ADAMTS17: variants seen among roughly 807,000 people sequenced by gnomAD.
ADAMTS17 encodes the protein ADAM metallopeptidase with thrombospondin type 1 motif 17.
ADAMTS17 carries 113 observed loss-of-function variants against 141.5 expected under a neutral mutation model. The ratio of observed to expected loss-of-function variants is 0.80; its 90% CI spans 0.69 to 0.93. The LOEUF (loss-of-function observed/expected upper bound fraction) is 0.93. Ranked by LOEUF, ADAMTS17 falls within the 40% of genes least tolerant of loss-of-function variation. The probability of loss-of-function intolerance (pLI) is 0.00; values close to 1 mark genes in which losing one functional copy is unlikely to be tolerated. For missense variants in ADAMTS17, 1,659 were observed against 1,517.9 expected, an observed-to-expected ratio of 1.09 and a Z score of -1.54; for synonymous variants, 768 against 630.6, an observed-to-expected ratio of 1.22 and a Z score of -3.27.
intron 13 of ADAMTS17, among the ~76,000 whole-genome samples, chr15:100,111,435 A>G (rs1318256311): frequency 6.6e-6 from 1 of 152,202 alleles, no homozygotes; most frequent in Middle Eastern, 3.2e-3. Context: ...GAAGATGGAG[A>G]CATATACTGA....
At chr15:99,991,902 C>T (rs937223475) in intron 20 of ADAMTS17, among the ~76,000 whole-genome samples, 1 of 152,086 alleles carries the variant, frequency 6.6e-6, no homozygotes, top group Non-Finnish European at 1.5e-5. Flanking sequence ...AACCATCATT[C>T]TCAGCAAACT....
chr15:100,262,310 C>A (rs761741077), intron 5 of ADAMTS17, 42 bp downstream of exon 5: 7 of 1,577,426 alleles, frequency 4.4e-6, no homozygotes, highest in Non-Finnish European at 6.1e-6. Flanking sequence ...TCCAGCCCAG[C>A]CACATTTTCT....
intron 2 of ADAMTS17, among the ~76,000 whole-genome samples, chr15:100,338,224 A>G (rs1388042342): frequency 6.6e-6 from 1 of 152,190 alleles, no homozygotes; most frequent in East Asian, 1.9e-4. Flanking sequence ...AAAGGAGCAA[A>G]AATGGAACAG....
intron 7 of ADAMTS17, among the ~76,000 whole-genome samples, chr15:100,248,246 C>G (rs2043046650): frequency 6.6e-6 from 1 of 152,116 alleles, no homozygotes; most frequent in Non-Finnish European, 1.5e-5. Flanking sequence ...AAGCAAAGGG[C>G]AAAAAGAAGA....
intron 18 of ADAMTS17, among the ~76,000 whole-genome samples, chr15:100,030,456 C>T (rs112588034): frequency 4.9e-4 from 75 of 152,286 alleles, no homozygotes; most frequent in African/African-American, 1.5e-3. Flanking sequence ...AACCTCCTCA[C>T]GCTCCCCCTA....
At chr15:100,242,135 A>G (rs1671476227) in intron 7 of ADAMTS17, among the ~76,000 whole-genome samples, 1 of 152,076 alleles carries the variant, frequency 6.6e-6, no homozygotes, top group East Asian at 1.9e-4. Context: ...ACAAACAAAC[A>G]TTCTCCCTCA....
At chr15:100,031,663 A>G (rs1486019239) in intron 18 of ADAMTS17, among the ~76,000 whole-genome samples, 6 of 152,212 alleles carry the variant, frequency 3.9e-5, no homozygotes, top group Non-Finnish European at 7.3e-5. Context: ...TTTTCGACAT[A>G]ATGCCGCTAA....
At chr15:100,218,490 A>G (rs2042035596) in intron 7 of ADAMTS17, among the ~76,000 whole-genome samples, 1 of 152,240 alleles carries the variant, frequency 6.6e-6, no homozygotes, top group Non-Finnish European at 1.5e-5. Flanking sequence ...TATGTTCAAC[A>G]TCAGCCATTA....
At chr15:100,204,764 G>T (rs569177177) in intron 7 of ADAMTS17, among the ~76,000 whole-genome samples, 1 of 152,216 alleles carries the variant, frequency 6.6e-6, no homozygotes, top group Non-Finnish European at 1.5e-5. Context: ...ACAAGTAGGG[G>T]TGGGAAAATC....
intron 4 of ADAMTS17, among the ~76,000 whole-genome samples, chr15:100,278,184 C>A (rs2044162186): frequency 6.6e-6 from 1 of 152,004 alleles, no homozygotes; most frequent in South Asian, 2.1e-4. Flanking sequence ...CAGGAAGTTT[C>A]CATTTTGTGG....
chr15:100,279,108 C>T (rs147431156), intron 4 of ADAMTS17, among the ~76,000 whole-genome samples: 85 of 152,304 alleles, frequency 5.6e-4, no homozygotes, highest in African/African-American at 2.0e-3. Flanking sequence ...CCTTGCCCAG[C>T]CACAGCCCCG....
At position 100,116,999 on chromosome 15, in the gene ADAMTS17, C is replaced by T. The variant is rs1216624576; in HGVS notation, c.1736G>A (p.Gly579Asp). ...KCDNPPPGPG[G>D]THCPGASVEH... ...TACACTGGCACCCGGGCAGTGTGTGCCTCCAGGCCCAGGGCTAGAAGGAAG... is the reference window on the plus strand; with the variant it reads ...TACACTGGCACCCGGGCAGTGTGTGTCTCCAGGCCCAGGGCTAGAAGGAAG... The change falls in exon 13 of 22, where the codon GGC becomes GAC. Residue 579 changes from glycine to aspartate, a missense_variant. Coordinates refer to ENST00000268070, the MANE Select transcript of ADAMTS17 (RefSeq NM_139057.4). 2.2e-5 allele frequency: 35 copies of T among 1,612,140 alleles called. No individual in the cohort carries two copies. Among genetic ancestry groups the T allele is most frequent in the Non-Finnish European group, 3.0e-5 (35 of 1,179,326 alleles).
At chr15:99,983,695 G>C (rs948097453) in intron 20 of ADAMTS17, among the ~76,000 whole-genome samples, 1 of 152,158 alleles carries the variant, frequency 6.6e-6, no homozygotes, top group Non-Finnish European at 1.5e-5. Context: ...ACTGGGTCTG[G>C]GGTGAGCACA....
intron 15 of ADAMTS17, among the ~76,000 whole-genome samples, chr15:100,065,207 CT>C (rs2033430089): frequency 6.6e-6 from 1 of 152,000 alleles, no homozygotes; most frequent in South Asian, 2.1e-4. Flanking sequence ...GGTGACCAGC[CT>C]TTTCAACACC....
At chr15:100,155,411 G>C (rs2141372648) in intron 8 of ADAMTS17, 91 bp from the exon 9 acceptor site, 1 of 1,544,370 alleles carries the variant, frequency 6.5e-7, no homozygotes, top group South Asian at 1.2e-5. Flanking sequence ...GGTAAATCAA[G>C]TCTTAAAAAC....
At position 100,341,055 on chromosome 15, in the gene ADAMTS17, C is replaced by T. The variant is rs2046349361; in HGVS notation, c.434G>A (p.Gly145Asp). 1.2e-5 allele frequency: 18 copies of T among 1,523,798 alleles called. No homozygotes were observed. Among genetic ancestry groups the T allele is most frequent in the Non-Finnish European group, 1.6e-5 (18 of 1,140,760 alleles). The allele number at this position is 1,523,798 out of a possible 1,614,324, so 94.4% of individuals were successfully genotyped here. A position where few individuals can be genotyped will look rare whatever the true frequency, so the allele number is the denominator to read the frequency against. Residue 145 changes from glycine (G) to aspartate (D), a missense_variant, in exon 2 of 22, where the codon GGC becomes GAC. Gly to Asp is a moderately conservative substitution (Grantham distance 94, BLOSUM62 -1). Transcript: ENST00000268070. ...GGGCAGTACCAGGCCGCCGGCGGCG[C>T]CGCAGGCGCTGAGCGAGACGAGGGA... ...PGSLVSLSACGAAGGLVGLIQ... is the reference protein window; with the variant it reads ...PGSLVSLSACDAAGGLVGLIQ...
At chr15:100,099,900 A>G (rs11247151) in intron 14 of ADAMTS17, among the ~76,000 whole-genome samples, 2 of 151,872 alleles carry the variant, frequency 1.3e-5, no homozygotes, top group Admixed American at 1.3e-4. Context: ...GACAGTGGCA[A>G]ATGTCCATCT....
intron 17 of ADAMTS17, among the ~76,000 whole-genome samples, chr15:100,050,360 T>G (rs565396462): frequency 3.1e-4 from 47 of 152,244 alleles, no homozygotes; most frequent in African/African-American, 1.1e-3. Flanking sequence ...GAGGTAGATG[T>G]GTCAGCTGGA....
intron 15 of ADAMTS17, among the ~76,000 whole-genome samples, chr15:100,096,111 T>C (rs1217537412): frequency 6.6e-6 from 1 of 152,218 alleles, no homozygotes; most frequent in Non-Finnish European, 1.5e-5. Flanking sequence ...CAGTGATTCA[T>C]GGACCTCAGG....
Sources: gnomAD v4.1 joint callset for allele counts (sites outside exome capture counted in the v4.1 genomes callset) on GRCh38, gnomAD v4.1.1 for gene constraint, MANE v1.5 for transcripts, NCBI Gene and HGNC (gene_info 2026-07-23, HGNC 2026-07-21) for gene names.